The following GNL2 variants were observed in gnomAD, a reference collection of about 807,000 sequenced individuals.
The protein encoded by GNL2 is nucleolar GTP-binding protein 2.
In GNL2, 51 loss-of-function variants were observed where a neutral mutation model predicts 92.3. The observed-to-expected ratio is 0.55, with a 90% confidence interval of 0.44 to 0.70. The LOEUF (loss-of-function observed/expected upper bound fraction) is 0.70, where lower values mean the gene tolerates loss of function less well. Among genes scored for constraint, GNL2 ranks in the 30% least tolerant of loss-of-function variants. The probability of loss-of-function intolerance (pLI) is 0.00; values close to 1 mark genes in which losing one functional copy is unlikely to be tolerated. For synonymous variants in GNL2, 283 were observed against 300.6 expected (o/e 0.94, Z 0.61); for missense variants, 844 against 895.6 (o/e 0.94, Z 0.74).
intron 8 of GNL2, among the ~76,000 whole-genome samples, chr1:37,578,021 T>G (rs1188382145): frequency 6.6e-6 from 1 of 152,186 alleles, no homozygotes. Context: ...TTCCCAGAAC[T>G]CTAGCAGCCA....
At position 37,593,445 on chromosome 1, in the gene GNL2, C is replaced by T. The variant is rs192456834; in HGVS notation, c.149+317G>A. 2.8e-3 allele frequency: 726 copies of T among 262,970 alleles called. 3 individuals are homozygous for T. Among genetic ancestry groups the T allele is most frequent in the Non-Finnish European group, 3.1e-3 (429 of 139,206 alleles). The allele number at this position is 262,970 out of a possible 1,614,324, so 16.3% of individuals were successfully genotyped here. A position where few individuals can be genotyped will look rare whatever the true frequency, so the allele number is the denominator to read the frequency against. The stretch of plus-strand genomic sequence containing the variant: ...CATTTTCTGGTGGCTTTCCTAACTA[C>T]AGTCCTGTAGGTTTTGTTATATCTG... On this transcript the variant is annotated intron_variant, in intron 2 of 15. Coordinates refer to ENST00000373062, the MANE Select transcript of GNL2 (RefSeq NM_013285.3).
intron 1 of GNL2, 26 bp downstream of exon 1, chr1:37,595,733 C>G: frequency 6.2e-7 from 1 of 1,608,368 alleles, no homozygotes; most frequent in Non-Finnish European, 8.5e-7. Flanking sequence ...CCAAGCTCCA[C>G]CCTCGATCAG....
intron 13 of GNL2, 131 bp downstream of exon 13, chr1:37,568,720 C>G (rs1007761583): frequency 1.4e-6 from 1 of 733,964 alleles, no homozygotes; most frequent in East Asian, 2.5e-5. Flanking sequence ...TCTCAAAAAA[C>G]AAACAAACAA....
At chr1:37,590,265 C>T (rs564183201) in intron 4 of GNL2, among the ~76,000 whole-genome samples, 9 of 152,294 alleles carry the variant, frequency 5.9e-5, no homozygotes, top group Admixed American at 1.3e-4. Flanking sequence ...TGCACCACCA[C>T]GCCTGGCTAA....
At chr1:37,583,283 T>C in intron 6 of GNL2, 1 of 166,652 alleles carries the variant, frequency 6.0e-6, no homozygotes, top group Non-Finnish European at 1.3e-5. Flanking sequence ...GTTTTGTGTA[T>C]TTCACAAAAA....
intron 8 of GNL2, among the ~76,000 whole-genome samples, chr1:37,579,861 A>G (rs971476653): frequency 6.9e-6 from 1 of 143,980 alleles, no homozygotes; most frequent in African/African-American, 2.6e-5. Flanking sequence ...ACACCACTGC[A>G]CTCCAGCCTG....
intron 15 of GNL2, 107 bp downstream of exon 15, chr1:37,567,566 G>C (rs1643526186): frequency 7.5e-6 from 6 of 803,946 alleles, no homozygotes; most frequent in Non-Finnish European, 1.3e-5. Context: ...GGTCAACGAG[G>C]ACTGGGGTTC....
At chr1:37,587,831 G>C (rs955919990) in intron 4 of GNL2, among the ~76,000 whole-genome samples, 1 of 152,152 alleles carries the variant, frequency 6.6e-6, no homozygotes, top group Non-Finnish European at 1.5e-5. Context: ...TGTAATTAAG[G>C]CTACAGTGGT....
At position 37,575,541 on chromosome 1, in the gene GNL2, C is replaced by T; in HGVS notation, c.1143+54G>A. ...TAAAAAGGAAAGGTATCCAGGGTTC[C>T]CTATAGAACACTCCCCCGCAAACAC... On this transcript the variant is annotated intron_variant, in intron 10 of 15. Coordinates refer to ENST00000373062, the MANE Select transcript of GNL2 (RefSeq NM_013285.3). This position sits in a 1 kb window ranked among gnomAD's most constrained non-coding sequence, Gnocchi z 4.1. 9.6e-7 allele frequency: 1 copy of T among 1,046,432 alleles called. No homozygotes were observed. The highest frequency in any genetic ancestry group is 1.4e-6 in the Non-Finnish European group (1 of 725,640). The allele number at this position is 1,046,432 out of a possible 1,614,324, so 64.8% of individuals were successfully genotyped here. A position where few individuals can be genotyped will look rare whatever the true frequency, so the allele number is the denominator to read the frequency against.
At chr1:37,567,903 G>T in intron 14 of GNL2, 139 bp from the exon 15 acceptor site, 1 of 658,490 alleles carries the variant, frequency 1.5e-6, no homozygotes, top group Non-Finnish European at 2.7e-6. Flanking sequence ...GAGTAAAGCA[G>T]GCCAAGGGGA....
At chr1:37,594,461 G>C (rs1353162099) in intron 1 of GNL2, among the ~76,000 whole-genome samples, 1 of 152,218 alleles carries the variant, frequency 6.6e-6, no homozygotes, top group Admixed American at 6.5e-5. Flanking sequence ...AAGAGAAAGA[G>C]AAGGACAAAC....
chr1:37,571,957 CCA>C (rs930025621), intron 12 of GNL2, among the ~76,000 whole-genome samples: 4 of 152,010 alleles, frequency 2.6e-5, no homozygotes, highest in Non-Finnish European at 5.9e-5. Flanking sequence ...GACATTCCAG[CCA>C]CAGTGACCTC....
At chr1:37,572,994 G>A (rs180959950) in intron 12 of GNL2, among the ~76,000 whole-genome samples, 26 of 152,318 alleles carry the variant, frequency 1.7e-4, no homozygotes, top group Admixed American at 5.9e-4. Context: ...TGGAATATAT[G>A]TGCAGGAGAG....
intron 12 of GNL2, among the ~76,000 whole-genome samples, chr1:37,573,218 C>T (rs573477964): frequency 6.6e-6 from 1 of 152,200 alleles, no homozygotes; most frequent in Non-Finnish European, 1.5e-5. Flanking sequence ...CAGTTTCAGG[C>T]TAACTTTCAA....
chr1:37,568,739 A>G lies in GNL2; in HGVS notation c.1868+112T>C. On this transcript the variant is annotated intron_variant, in intron 13 of 15. Coordinates refer to ENST00000373062, the MANE Select transcript of GNL2 (RefSeq NM_013285.3). Reference sequence around the variant, plus strand: ...AAAAAACAAACAAACAAAAAACCCAACCGAACAAACAAATGGCAATAACCC... The same window carrying G: ...AAAAAACAAACAAACAAAAAACCCAGCCGAACAAACAAATGGCAATAACCC... The G allele has an allele frequency of 5.0e-6, 4 of 792,474 alleles. No homozygotes were observed. The South Asian group carries it at 6.7e-5, about 13-fold the overall frequency. 49.1% of individuals were successfully genotyped at this position (792,474 alleles called of 1,614,324 possible). A position where few individuals can be genotyped will look rare whatever the true frequency, so the allele number is the denominator to read the frequency against.
rs191448815 is a variant in GNL2, at chr1:37,592,762, G to A, written c.194C>T (p.Thr65Met). The change falls in exon 3 of 16, where the codon ACG becomes ATG. Residue 65 changes from threonine to methionine, a missense_variant. By Grantham distance (81) the Thr-to-Met change is moderately conservative (BLOSUM62 -1). Transcript: ENST00000373062. ...KIIKPLQYQS[T>M]VASGTVARVE... Reference sequence around the variant, plus strand: ...TCTTGCCACTGTGCCAGAAGCCACCGTTGATTGATATTGCAGGGGTTTAAT... The same window carrying A: ...TCTTGCCACTGTGCCAGAAGCCACCATTGATTGATATTGCAGGGGTTTAAT... The A allele has an allele frequency of 2.3e-5, 37 of 1,609,152 alleles. No individual in the cohort carries two copies. The highest frequency in any genetic ancestry group is 5.5e-5 in the South Asian group (5 of 90,990).
At chr1:37,584,954 C>T (rs1643828907) in intron 5 of GNL2, among the ~76,000 whole-genome samples, 1 of 151,320 alleles carries the variant, frequency 6.6e-6, no homozygotes, top group Non-Finnish European at 1.5e-5. Flanking sequence ...TGGTGGCGGG[C>T]ACCTGTAATC....
intron 14 of GNL2, 39 bp downstream of exon 14, chr1:37,568,236 G>T: frequency 7.8e-7 from 1 of 1,278,486 alleles, no homozygotes; most frequent in Non-Finnish European, 1.1e-6. Flanking sequence ...CTCTAAATAT[G>T]CAAATTACAT....
chr1:37,588,158 C>G (rs1166367347), intron 4 of GNL2, among the ~76,000 whole-genome samples: 2 of 151,962 alleles, frequency 1.3e-5, no homozygotes, highest in African/African-American at 4.8e-5. Flanking sequence ...ATAAAAGGAA[C>G]CTGATACTAA....
Sources: gnomAD v4.1 joint callset for allele counts (sites outside exome capture counted in the v4.1 genomes callset) on GRCh38, gnomAD v4.1.1 for gene constraint, Gnocchi (gnomAD v3.1) non-coding constraint, MANE v1.5 for transcripts, NCBI Gene and HGNC (gene_info 2026-07-23, HGNC 2026-07-21) for gene names.